SLC20A2: variants seen among roughly 807,000 people sequenced by gnomAD.
The protein encoded by SLC20A2 is solute carrier family 20 member 2.
Under a neutral mutation model 61.0 loss-of-function variants are expected in SLC20A2, and 30 were observed. The ratio of observed to expected loss-of-function variants is 0.49; its 90% confidence interval spans 0.37 to 0.67. The LOEUF (loss-of-function observed/expected upper bound fraction) is 0.67. Ranked by LOEUF, SLC20A2 falls within the 30% of genes least tolerant of loss-of-function variation. SLC20A2 has a pLI of 0.00. For synonymous variants in SLC20A2, 351 were observed against 353.3 expected, an observed-to-expected ratio of 0.99 and a Z score of 0.07; for missense variants, 626 against 866.4, an observed-to-expected ratio of 0.72 and a Z score of 3.48.
chr8:42,481,059 C>T (rs1316687717), intron 1 of SLC20A2, among the ~76,000 whole-genome samples: 1 of 152,104 alleles, frequency 6.6e-6, no homozygotes, highest in Non-Finnish European at 1.5e-5. Flanking sequence ...AGGTTTGGCC[C>T]TCAAGACTGA....
At chr8:42,439,753 G>A in intron 6 of SLC20A2, 100 bp from the exon 7 acceptor site, 1 of 931,026 alleles carries the variant, frequency 1.1e-6, no homozygotes, top group African/African-American at 1.7e-5. Context: ...CTTTAGCACT[G>A]ATTTTGGAAA....
intron 4 of SLC20A2, among the ~76,000 whole-genome samples, chr8:42,462,114 G>T (rs1257004685): frequency 6.6e-6 from 1 of 152,120 alleles, no homozygotes; most frequent in African/African-American, 2.4e-5. Context: ...CCTAGGAAGT[G>T]ACACCTAAGG....
At chr8:42,515,154 A>G (rs748258956) in intron 1 of SLC20A2, among the ~76,000 whole-genome samples, 3 of 152,224 alleles carry the variant, frequency 2.0e-5, no homozygotes, top group Non-Finnish European at 4.4e-5. Context: ...ACGTTAAATT[A>G]GCTTGTCCAA....
intron 1 of SLC20A2, among the ~76,000 whole-genome samples, chr8:42,485,369 C>T (rs905143111): frequency 2.0e-5 from 3 of 152,032 alleles, no homozygotes; most frequent in Admixed American, 1.3e-4. Flanking sequence ...AGGCCGAACG[C>T]GGTGGCTCAC....
At chr8:42,426,053 A>C (rs927237229) in intron 10 of SLC20A2, among the ~76,000 whole-genome samples, 2 of 151,990 alleles carry the variant, frequency 1.3e-5, no homozygotes, top group African/African-American at 4.8e-5. Context: ...AAACCTTATC[A>C]TGTACTTTGT....
chr8:42,514,229 G>C (rs909641453), intron 1 of SLC20A2, among the ~76,000 whole-genome samples: 1 of 152,156 alleles, frequency 6.6e-6, no homozygotes, highest in Non-Finnish European at 1.5e-5. Context: ...TAACCTGTGG[G>C]CAAGAACCAC....
intron 5 of SLC20A2, among the ~76,000 whole-genome samples, chr8:42,451,311 AAGG>A (rs1240342812): frequency 4.9e-5 from 7 of 143,840 alleles, no homozygotes; most frequent in African/African-American, 1.8e-4. Context: ...AGGAAGAGAT[AAGG>A]AGGAGGAGGA....
intron 2 of SLC20A2, among the ~76,000 whole-genome samples, chr8:42,466,819 C>A (rs1807207989): frequency 6.6e-6 from 1 of 152,028 alleles, no homozygotes; most frequent in Non-Finnish European, 1.5e-5. Flanking sequence ...CAAGTGTGCA[C>A]CACCACACCT....
Position 42,437,711 on chromosome 8 carries a change from C to T in SLC20A2, c.935-134G>A. 3.1e-6 allele frequency: 2 copies of T among 651,220 alleles called. No individual in the cohort carries two copies. Among genetic ancestry groups the T allele is most frequent in the Non-Finnish European group, 4.9e-6 (2 of 409,590 alleles). The allele number at this position is 651,220 out of a possible 1,614,324, so 40.3% of individuals were successfully genotyped here. A position where few individuals can be genotyped will look rare whatever the true frequency, so the allele number is the denominator to read the frequency against. On this transcript the variant is annotated intron_variant, in intron 7 of 10. Transcript: ENST00000520262. The surrounding 1 kb of genome is among the most constrained non-coding windows in gnomAD (Gnocchi z 6.4). ...TCGGCTCACTGCAACCTTCGCCTCC[C>T]GGGTTCAAGCGATTCTCCCTCAGCC... is the stretch of plus-strand genomic sequence containing the variant.
intron 1 of SLC20A2, among the ~76,000 whole-genome samples, chr8:42,477,673 A>G (rs980683356): frequency 4.6e-5 from 7 of 150,990 alleles, no homozygotes; most frequent in Admixed American, 4.6e-4. Flanking sequence ...GCTTATCACC[A>G]TGTTGGCCAG....
At chr8:42,444,564 A>T (rs1421281238) in intron 6 of SLC20A2, 82 bp downstream of exon 6, 1 of 1,019,398 alleles carries the variant, frequency 9.8e-7, no homozygotes, top group Non-Finnish European at 1.5e-6. Context: ...TTCCTCCATT[A>T]GTAAGGATCA....
intron 8 of SLC20A2, among the ~76,000 whole-genome samples, chr8:42,435,010 G>A (rs1044678022): frequency 6.6e-6 from 1 of 152,140 alleles, no homozygotes; most frequent in Non-Finnish European, 1.5e-5. Context: ...CCTAACTGGC[G>A]TTTAAACTTC....
intron 1 of SLC20A2, among the ~76,000 whole-genome samples, chr8:42,493,801 G>C (rs999530156): frequency 6.6e-6 from 1 of 152,126 alleles, no homozygotes; most frequent in African/African-American, 2.4e-5. Context: ...CTCTCCAAAA[G>C]CCATGATCCC....
chr8:42,436,559 C>G (rs1202477620), intron 8 of SLC20A2, among the ~76,000 whole-genome samples: 4 of 152,180 alleles, frequency 2.6e-5, no homozygotes, highest in African/African-American at 9.7e-5. Flanking sequence ...GCTCCCCTCT[C>G]GAGGCGAGGC....
intron 1 of SLC20A2, among the ~76,000 whole-genome samples, chr8:42,509,955 T>C (rs1810939673): frequency 6.6e-6 from 1 of 152,140 alleles, no homozygotes; most frequent in African/African-American, 2.4e-5. Context: ...TAATCTAAAA[T>C]GAGAAACTCT....
chr8:42,432,842 C>A (rs532543493), intron 8 of SLC20A2, among the ~76,000 whole-genome samples: 1 of 152,106 alleles, frequency 6.6e-6, no homozygotes, highest in Non-Finnish European at 1.5e-5. Context: ...GTTTTTAAGA[C>A]GCATTTAATA....
At position 42,508,513 on chromosome 8, in the gene SLC20A2, C is replaced by T. The variant is rs1007882420; in HGVS notation, c.-265+33308G>A. 2.6e-5 allele frequency among the ~76,000 whole-genome samples: 4 copies of T among 152,186 alleles called. No homozygotes were observed. In the South Asian group the frequency reaches 6.2e-4, roughly 24 times the overall value. ...TCAAGTGATTGTCCTGCCTCAGCCT[C>T]CCGAGTAGCTGGGATTACAGGCACC... On this transcript the variant is annotated intron_variant, in intron 1 of 10. Coordinates refer to the SLC20A2 transcript ENST00000342228.
At chr8:42,419,736 A>C in intron 10 of SLC20A2, 2 of 922,468 alleles carry the variant, frequency 2.2e-6, no homozygotes, top group Non-Finnish European at 2.6e-6. Context: ...TAATCTGTGA[A>C]TATCAGCACA....
chr8:42,522,823 A>G (rs1811663453), intron 1 of SLC20A2, among the ~76,000 whole-genome samples: 1 of 129,990 alleles, frequency 7.7e-6, no homozygotes, highest in African/African-American at 2.5e-5. Flanking sequence ...TCCTGCCTCA[A>G]CCTCCTGAGT....
Sources: allele counts gnomAD v4.1 joint callset (sites outside exome capture counted in the v4.1 genomes callset), GRCh38; gene constraint gnomAD v4.1.1; non-coding constraint Gnocchi (gnomAD v3.1); transcripts MANE v1.5; gene names NCBI Gene and HGNC (gene_info 2026-07-23, HGNC 2026-07-21).